MYOM1: variants seen among roughly 807,000 people sequenced by gnomAD.
MYOM1 encodes the protein myomesin 1, also known as myomesin-1.
In MYOM1, 164 loss-of-function variants were observed where a neutral mutation model predicts 205.3. The observed-to-expected ratio is 0.80, with a 90% CI of 0.70 to 0.91. The LOEUF is 0.91. MYOM1 is among the 40% of genes least tolerant of loss of function. The probability of loss-of-function intolerance (pLI) is 0.00; values close to 1 mark genes in which losing one functional copy is unlikely to be tolerated. For synonymous variants in MYOM1, 772 were observed against 789.4 expected, an observed-to-expected ratio of 0.98 and a Z score of 0.37; for missense variants, 2,011 against 2,127.3, an observed-to-expected ratio of 0.95 and a Z score of 1.08.
chr18:3,099,837 A>G (rs2079354350), intron 25 of MYOM1, among the ~76,000 whole-genome samples: 1 of 152,212 alleles, frequency 6.6e-6, no homozygotes, highest in African/African-American at 2.4e-5. Context: ...TATCCAGAAA[A>G]TATATATGTG....
At chr18:3,074,165 T>C (rs1342859263) in intron 36 of MYOM1, among the ~76,000 whole-genome samples, 2 of 152,204 alleles carry the variant, frequency 1.3e-5, no homozygotes, top group Non-Finnish European at 2.9e-5. Context: ...CTTTGCTCAG[T>C]ACCAAACAAG....
intron 2 of MYOM1, among the ~76,000 whole-genome samples, chr18:3,196,129 C>T (rs1357195654): frequency 2.0e-5 from 3 of 152,042 alleles, no homozygotes; most frequent in Non-Finnish European, 4.4e-5. Flanking sequence ...TTTAGTAATG[C>T]TAAGACGTTT....
At chr18:3,145,071 G>A (rs1219531597) in intron 13 of MYOM1, among the ~76,000 whole-genome samples, 9 of 152,184 alleles carry the variant, frequency 5.9e-5, no homozygotes, top group Admixed American at 3.9e-4. Flanking sequence ...CACTTTGGGA[G>A]GCTGAGGCAG....
intron 17 of MYOM1, 38 bp downstream of exon 17, chr18:3,131,337 C>A: frequency 6.2e-7 from 1 of 1,605,460 alleles, no homozygotes; most frequent in South Asian, 1.1e-5. Context: ...ATAGAAAAAT[C>A]CATTTTTCCC....
At chr18:3,246,563 A>G in the MYOM1 span, 14 of 152,238 alleles carry the variant, frequency 9.2e-5, no homozygotes, top group Admixed American at 8.5e-4. Context: ...TAACTTTGGA[A>G]TACGTTAGTG....
In MYOM1 at chr18:3,149,195, G is replaced by C; in HGVS notation, c.1850C>G (p.Pro617Arg). The C allele has an allele frequency of 6.2e-7, 1 of 1,612,178 alleles. No homozygotes were observed. Among genetic ancestry groups the C allele is most frequent in the Non-Finnish European group, 8.5e-7 (1 of 1,179,194 alleles). ...PAEKARLKSR[P>R]SAPWTGQIIV... ...GATCTGTCCAGTCCAGGGTGCTGAG[G>C]GGCGACCTGAATAAAGACAAATATA... The change falls in exon 13 of 38, where the codon CCC becomes CGC. Residue 617 changes from proline to arginine, a missense_variant. Pro to Arg is a moderately radical substitution (Grantham distance 103, BLOSUM62 -2). Coordinates refer to ENST00000356443, the MANE Select transcript of MYOM1 (RefSeq NM_003803.4).
intron 10 of MYOM1, among the ~76,000 whole-genome samples, chr18:3,157,859 C>T (rs2080324652): frequency 6.6e-6 from 1 of 151,894 alleles, no homozygotes; most frequent in African/African-American, 2.4e-5. Flanking sequence ...GCCCACAGCA[C>T]CCTTCAGACA....
At chr18:3,109,146 AT>A (rs558123177) in intron 22 of MYOM1, among the ~76,000 whole-genome samples, 1 of 150,818 alleles carries the variant, frequency 6.6e-6, no homozygotes, top group African/African-American at 2.4e-5. Context: ...CGCCCAGCTA[AT>A]TTTTTTTGTA....
At chr18:3,150,979 CTTTTTT>C (rs1164882266) in intron 12 of MYOM1, among the ~76,000 whole-genome samples, 1 of 55,922 alleles carries the variant, frequency 1.8e-5, no homozygotes, top group African/African-American at 7.2e-5. Flanking sequence ...CCATGCCTGG[CTTTTTT>C]TTTTTTTTTT....
intron 36 of MYOM1, among the ~76,000 whole-genome samples, chr18:3,073,164 G>T (rs2078981283): frequency 6.6e-6 from 1 of 151,994 alleles, no homozygotes. Context: ...TTGTCTCCCG[G>T]TAGTTCTTGG....
chr18:3,071,904 AT>A lies in MYOM1; in HGVS notation c.4709-16del, dbSNP rs1483566815. 1.3e-6 allele frequency: 2 copies of A among 1,599,216 alleles called. No homozygotes were observed. The highest frequency in any genetic ancestry group is 1.7e-6 in the Non-Finnish European group (2 of 1,172,812). On this transcript the variant is annotated splice_polypyrimidine_tract_variant and intron_variant, in intron 36 of 37. Coordinates refer to ENST00000356443, the MANE Select transcript of MYOM1 (RefSeq NM_003803.4). ...CCGGGCACGATCTGCAAGCATAGGC[AT>A]TTTGGGTTAATCACTGCAGTGGCAA...
At chr18:3,120,176 C>T (rs781082552) in intron 19 of MYOM1, among the ~76,000 whole-genome samples, 181 bp from the exon 20 acceptor site, 1 of 152,148 alleles carries the variant, frequency 6.6e-6, no homozygotes, top group Non-Finnish European at 1.5e-5. Flanking sequence ...TTGTAGCCTA[C>T]AATAGAATGT....
chr18:3,089,130 T>C (rs1598658850), intron 29 of MYOM1, 44 bp downstream of exon 29: 3 of 1,217,636 alleles, frequency 2.5e-6, no homozygotes, highest in South Asian at 1.5e-5. Context: ...ACATTCTATT[T>C]TATTTCCCTT....
chr18:3,201,235 C>G (rs1235158728), intron 2 of MYOM1, among the ~76,000 whole-genome samples: 7 of 152,068 alleles, frequency 4.6e-5, no homozygotes, highest in Non-Finnish European at 8.8e-5. Flanking sequence ...CCTGCCTCTA[C>G]TAAAAATACA....
At chr18:3,218,027 A>C (rs1025517145) in intron 1 of MYOM1, among the ~76,000 whole-genome samples, 1 of 152,152 alleles carries the variant, frequency 6.6e-6, no homozygotes, top group Non-Finnish European at 1.5e-5. Context: ...CTACTTAAAG[A>C]GGTAAGAGAG....
chr18:3,097,654 G>T (rs960173708), intron 25 of MYOM1, among the ~76,000 whole-genome samples: 1 of 151,978 alleles, frequency 6.6e-6, no homozygotes, highest in African/African-American at 2.4e-5. Context: ...TGATCCTCCC[G>T]CCTTGGCTTT....
intron 5 of MYOM1, among the ~76,000 whole-genome samples, chr18:3,183,824 A>G (rs61511287): frequency 0.09 from 13,674 of 151,976 alleles, 2,063 homozygotes; most frequent in African/African-American, 0.31. Context: ...TCTTCAAGGG[A>G]AAGGCTGCTT....
chr18:3,227,590 G>T, the MYOM1 span, among the ~76,000 whole-genome samples: 1 of 152,092 alleles, frequency 6.6e-6, no homozygotes, highest in South Asian at 2.1e-4. Flanking sequence ...AGACCGAGGT[G>T]GGCGAGTCAC....
chr18:3,072,154 G>A (rs999768893), intron 36 of MYOM1, among the ~76,000 whole-genome samples: 3 of 151,072 alleles, frequency 2.0e-5, no homozygotes, highest in East Asian at 2.0e-4. Context: ...AGGTTCAAGC[G>A]GTTCTCCTGC....
Sources: allele counts gnomAD v4.1 joint callset (sites outside exome capture counted in the v4.1 genomes callset), GRCh38; gene constraint gnomAD v4.1.1; transcripts MANE v1.5; gene names NCBI Gene and HGNC (gene_info 2026-07-23, HGNC 2026-07-21).